IL17A: variants seen among roughly 807,000 people sequenced by gnomAD.
The protein encoded by IL17A is interleukin 17A.
Under a neutral mutation model 7.2 loss-of-function variants are expected in IL17A, and 1 was observed. That is an observed-to-expected ratio of 0.14 (90% CI 0.05 to 0.66). The LOEUF (loss-of-function observed/expected upper bound fraction) is 0.66. IL17A is among the 30% of genes least tolerant of loss of function. The probability of loss-of-function intolerance (pLI) is 0.84; values close to 1 mark genes in which losing one functional copy is unlikely to be tolerated. For synonymous variants in IL17A, 90 were observed against 77.7 expected, an observed-to-expected ratio of 1.16 and a Z score of -0.83; for missense variants, 191 against 197.1, an observed-to-expected ratio of 0.97 and a Z score of 0.18.
intron 1 of IL17A, 132 bp downstream of exon 1, chr6:52,186,590 G>C (rs1420347122): frequency 1.6e-5 from 12 of 750,398 alleles, no homozygotes; most frequent in Non-Finnish European, 2.6e-5. Flanking sequence ...GGAAATGAAA[G>C]CTTTGGTAGG....
Position 52,189,118 on chromosome 6 carries a change from C to G in IL17A, c.294C>G (p.Gly98=), listed in dbSNP as rs1435071498. 6.8e-6 allele frequency: 11 copies of G among 1,614,130 alleles called. No homozygotes were observed. The South Asian group carries it at 1.2e-4, about 18-fold the overall frequency. The change falls in exon 3 of 3, where the codon GGC becomes GGG. Residue 98 remains glycine, a synonymous_variant. Transcript: ENST00000648244. ...VIWEAKCRHL[G]CINADGNVDY... ...GGGAGGCAAAGTGCCGCCACTTGGG[C>G]TGCATCAACGCTGATGGGAACGTGG...
In IL17A at chr6:52,189,335, G is replaced by T; in HGVS notation, c.*43G>T. Reference sequence around the variant, plus strand: ...CACTCCCCAAAGCAGTTAGACTATGGAGAGCCGACCCAGCCCCTCAGGAAC... The same window carrying T: ...CACTCCCCAAAGCAGTTAGACTATGTAGAGCCGACCCAGCCCCTCAGGAAC... On this transcript the variant is annotated 3_prime_UTR_variant, in exon 3 of 3. Transcript: ENST00000648244. 1 of 1,483,064 alleles carries T rather than the reference G, an allele frequency of 6.7e-7. No homozygotes were observed. The highest frequency in any genetic ancestry group is 9.4e-7 in the Non-Finnish European group (1 of 1,066,920). 91.9% of individuals were successfully genotyped at this position (1,483,064 alleles called of 1,614,324 possible).
rs947815261 is a variant in IL17A at position 52,186,375 on chromosome 6, G to A, written c.-57G>A. The stretch of plus-strand genomic sequence containing the variant: ...AAGAGAGACGATAGCGCTACATTTT[G>A]TCCATCTCATAGCAGGCACAAACTC... On this transcript the variant is annotated 5_prime_UTR_variant, in exon 1 of 3. Coordinates refer to ENST00000648244, the MANE Select transcript of IL17A (RefSeq NM_002190.3). The A allele has an allele frequency of 1.9e-6, 3 of 1,574,334 alleles. No homozygotes were observed. The highest frequency in any genetic ancestry group is 1.3e-5 in the African/African-American group (1 of 74,106).
chr6:52,187,060 G>A (rs1250123016), intron 1 of IL17A, among the ~76,000 whole-genome samples: 1 of 152,154 alleles, frequency 6.6e-6, no homozygotes, highest in Non-Finnish European at 1.5e-5. Flanking sequence ...AAACATGAAG[G>A]AGATCGAGTT....
At chr6:52,187,465 A>G (rs183687364) in intron 1 of IL17A, 138 bp from the exon 2 acceptor site, 1 of 752,014 alleles carries the variant, frequency 1.3e-6, no homozygotes, top group East Asian at 2.5e-5. Context: ...GCTGATCTGA[A>G]AAATGTAGTA....
intron 2 of IL17A, 135 bp downstream of exon 2, chr6:52,187,940 C>G (rs1763313516): frequency 1.4e-6 from 1 of 735,270 alleles, no homozygotes; most frequent in South Asian, 1.8e-5. Context: ...CTGTGAAGAG[C>G]AATTCTCAAA....
In IL17A at chr6:52,189,181, C is replaced by T. The variant is rs763377341; in HGVS notation, c.357C>T (p.Ile119=). ...ACTCTGTCCCCATCCAGCAAGAGATCCTGGTCCTGCGCAGGGAGCCTCCAC... is the reference window on the plus strand; with the variant it reads ...ACTCTGTCCCCATCCAGCAAGAGATTCTGGTCCTGCGCAGGGAGCCTCCAC... ...HMNSVPIQQE[I]LVLRREPPHC... Residue 119 remains isoleucine, a synonymous_variant, in exon 3 of 3, where the codon ATC becomes ATT. Transcript: ENST00000648244. 2 of 1,614,036 alleles carry T rather than the reference C, an allele frequency of 1.2e-6. No homozygotes were observed. Among genetic ancestry groups the T allele is most frequent in the East Asian group, 4.5e-5 (2 of 44,868 alleles).
In IL17A at chr6:52,189,047, C is replaced by T. The variant is rs772159724; in HGVS notation, c.231-8C>T. 4 of 1,601,696 alleles carry T rather than the reference C, an allele frequency of 2.5e-6. No individual in the cohort carries two copies. The South Asian group carries it at 3.3e-5, about 13-fold the overall frequency. ...TCACTTTCCTCCTGATTTTTCTCCCCTCTGCAGCCGCAATGAGGACCCTGA... is the reference window on the plus strand; with the variant it reads ...TCACTTTCCTCCTGATTTTTCTCCCTTCTGCAGCCGCAATGAGGACCCTGA... On this transcript the variant is annotated splice_region_variant and splice_polypyrimidine_tract_variant and intron_variant, in intron 2 of 2. Transcript: ENST00000648244.
chr6:52,189,676 T>C lies in IL17A; in HGVS notation c.*384T>C, dbSNP rs1282352115. ...GATTCTGGGCTTGGGAATTTTATTA[T>C]TTAAAAGGTAAAACCTGTATTTATT... On this transcript the variant is annotated 3_prime_UTR_variant, in exon 3 of 3. Coordinates refer to ENST00000648244, the MANE Select transcript of IL17A (RefSeq NM_002190.3). 6.1e-6 allele frequency: 1 copy of C among 163,368 alleles called. No homozygotes were observed. The highest frequency in any genetic ancestry group is 2.4e-5 in the African/African-American group (1 of 41,776). The allele number at this position is 163,368 out of a possible 1,614,324, so 10.1% of individuals were successfully genotyped here.
chr6:52,187,678 A>G lies in IL17A; in HGVS notation c.103A>G (p.Asn35Asp). 3.1e-6 allele frequency: 5 copies of G among 1,614,134 alleles called. No homozygotes were observed. The South Asian group carries it at 4.4e-5, about 14-fold the overall frequency. The change falls in exon 2 of 3, where the codon AAT (asparagine) becomes GAT (aspartate). Residue 35 changes from asparagine (N) to aspartate (D), a missense_variant. Asn to Asp is a conservative substitution (Grantham distance 23). Transcript: ENST00000648244. ...ITIPRNPGCP[N>D]SEDKNFPRTV... The stretch of plus-strand genomic sequence containing the variant: ...AATCCCACGAAATCCAGGATGCCCA[A>G]ATTCTGAGGACAAGAACTTCCCCCG...
rs1012264223 is a variant in IL17A at position 52,190,122 on chromosome 6, A to C, written c.*830A>C. On this transcript the variant is annotated 3_prime_UTR_variant, in exon 3 of 3. Transcript: ENST00000648244. ...AATTCTCCTATAAGCAAAACAAAGC[A>C]TGTCTTTGAGTAACAATGACCTGGA... The C allele has an allele frequency of 6.6e-6, 1 of 152,214 alleles. No individual in the cohort carries two copies. The highest frequency in any genetic ancestry group is 2.4e-5 in the African/African-American group (1 of 41,452). The allele number at this position is 152,214 out of a possible 1,614,324, so 9.4% of individuals were successfully genotyped here.
In IL17A at chr6:52,187,704, G is replaced by A. The variant is rs1244676765; in HGVS notation, c.129G>A (p.Arg43=). 1.9e-6 allele frequency: 3 copies of A among 1,613,910 alleles called. No individual in the cohort carries two copies. Among genetic ancestry groups the A allele is most frequent in the Non-Finnish European group, 2.5e-6 (3 of 1,179,968 alleles). Residue 43 remains arginine, a synonymous_variant, in exon 2 of 3, where the codon CGG becomes CGA. Transcript: ENST00000648244. ...CPNSEDKNFP[R]TVMVNLNIHN... ...ATTCTGAGGACAAGAACTTCCCCCG[G>A]ACTGTGATGGTCAACCTGAACATCC...
intron 2 of IL17A, 122 bp downstream of exon 2, chr6:52,187,927 C>A: frequency 1.2e-6 from 1 of 843,258 alleles, no homozygotes; most frequent in Non-Finnish European, 1.9e-6. Context: ...CCTGGAAGGA[C>A]CACTGTGAAG....
rs1763286174 is a variant in IL17A at position 52,186,449 on chromosome 6, C to T, written c.18C>T (p.Thr6=). MTPGK[T]SLVSLLLLLS... Reference sequence around the variant, plus strand: ...AAACAACGATGACTCCTGGGAAGACCTCATTGGTGGTGAGTCCTGCACTAA... The same window carrying T: ...AAACAACGATGACTCCTGGGAAGACTTCATTGGTGGTGAGTCCTGCACTAA... Residue 6 remains threonine, a synonymous_variant, in exon 1 of 3, where the codon ACC becomes ACT. Coordinates refer to ENST00000648244, the MANE Select transcript of IL17A (RefSeq NM_002190.3). 1 of 1,613,946 alleles carries T rather than the reference C, an allele frequency of 6.2e-7. No homozygotes were observed. Among genetic ancestry groups the T allele is most frequent in the Non-Finnish European group, 8.5e-7 (1 of 1,179,840 alleles).
At position 52,189,122 on chromosome 6, in the gene IL17A, A is replaced by C. The variant is rs375068948; in HGVS notation, c.298A>C (p.Ile100Leu). ...WEAKCRHLGC[I>L]NADGNVDYHM... Reference sequence around the variant, plus strand: ...GGCAAAGTGCCGCCACTTGGGCTGCATCAACGCTGATGGGAACGTGGACTA... The same window carrying C: ...GGCAAAGTGCCGCCACTTGGGCTGCCTCAACGCTGATGGGAACGTGGACTA... The change falls in exon 3 of 3, where the codon ATC (isoleucine) becomes CTC (leucine). Residue 100 changes from isoleucine to leucine, a missense_variant. Ile to Leu is a conservative substitution (Grantham distance 5). Transcript: ENST00000648244. 6.2e-7 allele frequency: 1 copy of C among 1,614,056 alleles called. No individual in the cohort carries two copies.
chr6:52,188,408 A>C (rs1157292835), intron 2 of IL17A, among the ~76,000 whole-genome samples: 1 of 152,216 alleles, frequency 6.6e-6, no homozygotes, highest in Non-Finnish European at 1.5e-5. Context: ...CATACAAATA[A>C]GTCTCTGTTC....
chr6:52,186,479 C>A, intron 1 of IL17A, 21 bp downstream of exon 1: 2 of 1,612,616 alleles, frequency 1.2e-6, no homozygotes, highest in South Asian at 1.1e-5. Context: ...CACTAACGTG[C>A]GATGCTCTTG....
chr6:52,189,524 CT>C lies in IL17A; in HGVS notation c.*234del. On this transcript the variant is annotated 3_prime_UTR_variant, in exon 3 of 3. Transcript: ENST00000648244. Reference sequence around the variant, plus strand: ...GGTTTGACTGAGTACCAATTTGCTTCTTGTTTACTTTTTTAAGGGCTTTAAG... The same window carrying C: ...GGTTTGACTGAGTACCAATTTGCTTCTGTTTACTTTTTTAAGGGCTTTAAG... The C allele has an allele frequency of 6.9e-6, 3 of 437,588 alleles. No individual in the cohort carries two copies. The highest frequency in any genetic ancestry group is 1.2e-5 in the Non-Finnish European group (3 of 248,828). The allele number at this position is 437,588 out of a possible 1,614,324, so 27.1% of individuals were successfully genotyped here. A position where few individuals can be genotyped will look rare whatever the true frequency, so the allele number is the denominator to read the frequency against.
chr6:52,188,121 CAA>C lies in IL17A; in HGVS notation c.230+318_230+319del, dbSNP rs563185347. Among the ~76,000 whole-genome samples the C allele has an allele frequency of 5.7e-4, 87 of 152,236 alleles. No homozygotes were observed. In the South Asian group the frequency reaches 0.012, roughly 22 times the overall value. ...ATTTATTCAAAGAATAGACATTTATCAAAGAGGATTAATGCTTTTATTATCTT... is the reference window on the plus strand; with the variant it reads ...ATTTATTCAAAGAATAGACATTTATCAGAGGATTAATGCTTTTATTATCTT... On this transcript the variant is annotated intron_variant, in intron 2 of 2. Coordinates refer to ENST00000648244, the MANE Select transcript of IL17A (RefSeq NM_002190.3).
Sources: gnomAD v4.1 joint callset for allele counts (sites outside exome capture counted in the v4.1 genomes callset) on GRCh38, gnomAD v4.1.1 for gene constraint, MANE v1.5 for transcripts, NCBI Gene and HGNC (gene_info 2026-07-23, HGNC 2026-07-21) for gene names.